Variants in MON1B observed in about 807,000 individuals in gnomAD.
MON1B encodes vacuolar fusion protein MON1 homolog B.
MON1B carries 26 observed loss-of-function variants against 45.1 expected under a neutral mutation model. The ratio of observed to expected loss-of-function variants is 0.58; its 90% CI spans 0.42 to 0.80. The LOEUF is 0.80. Ranked by LOEUF, MON1B falls within the 30% of genes least tolerant of loss-of-function variation. MON1B has a pLI of 0.00. For missense variants in MON1B, 737 were observed against 754.5 expected (o/e 0.98, Z 0.27); for synonymous variants, 395 against 320.2 (o/e 1.23, Z -2.49).
chr16:77,197,301 C>G (rs568604082), intron 5 of MON1B, among the ~76,000 whole-genome samples: 1 of 152,226 alleles, frequency 6.6e-6, no homozygotes, highest in African/African-American at 2.4e-5. Context: ...GAGGCTGAGG[C>G]AGGAGAATCG....
At position 77,194,875 on chromosome 16, in the gene MON1B, A is replaced by G. The variant is rs753662511; in HGVS notation, c.1016A>G (p.Tyr339Cys). The G allele has an allele frequency of 3.1e-6, 5 of 1,611,938 alleles. No individual in the cohort carries two copies. Among genetic ancestry groups the G allele is most frequent in the African/African-American group, 1.3e-5 (1 of 74,916 alleles). ...AACCCTGATGGTTTTTTCTACGCCT[A>G]CGTGGCCCGCCTGGATGCTATGCCT... ...RFNPDGFFYAYVARLDAMPVC... is the reference protein window; with the variant it reads ...RFNPDGFFYACVARLDAMPVC... The change falls in exon 4 of 6, where the codon TAC (tyrosine) becomes TGC (cysteine). Residue 339 changes from tyrosine to cysteine, a missense_variant. Tyr to Cys is a radical substitution (Grantham distance 194). Coordinates refer to ENST00000248248, the MANE Select transcript of MON1B (RefSeq NM_014940.4). The surrounding 1 kb of genome is among the most constrained non-coding windows in gnomAD (Gnocchi z 8.1).
chr16:77,193,907 A>C lies in MON1B; in HGVS notation c.475+130A>C, dbSNP rs1021369219. ...TCCATGTGTGTGGATGGTCAGCCAG[A>C]GCTCTGTCAGTGGCGGGAGGTGGGG... On this transcript the variant is annotated intron_variant, in intron 3 of 5. Coordinates refer to ENST00000248248, the MANE Select transcript of MON1B (RefSeq NM_014940.4). The surrounding 1 kb of genome is among the most constrained non-coding windows in gnomAD (Gnocchi z 5.0). 88 of 937,608 alleles carry C rather than the reference A, an allele frequency of 9.4e-5. No individual in the cohort carries two copies. Among genetic ancestry groups the C allele is most frequent in the Non-Finnish European group, 1.3e-4 (81 of 640,750 alleles). 58.1% of individuals were successfully genotyped at this position (937,608 alleles called of 1,614,324 possible).
At position 77,198,102 on chromosome 16, in the gene MON1B, C is replaced by A. The variant is rs368667278; in HGVS notation, c.1444-6C>A. The A allele has an allele frequency of 2.7e-4, 439 of 1,613,772 alleles. No individual in the cohort carries two copies. Among genetic ancestry groups the A allele is most frequent in the Non-Finnish European group, 3.5e-4 (414 of 1,179,932 alleles). On this transcript the variant is annotated splice_region_variant and splice_polypyrimidine_tract_variant and intron_variant, in intron 5 of 5. Transcript: ENST00000248248. ...CATCTGACTCTGTCTCCTCCGAAAC[C>A]CCCAGGTGACCTCCAAATTCGAGCT...
In MON1B at chr16:77,194,358, C is replaced by A. The variant is rs775514824; in HGVS notation, c.499C>A (p.Gln167Lys). 3.1e-6 allele frequency: 5 copies of A among 1,608,208 alleles called. No homozygotes were observed. In the South Asian group the frequency reaches 4.4e-5, roughly 14 times the overall value. Residue 167 changes from glutamine to lysine, a missense_variant, in exon 4 of 6, where the codon CAA (glutamine) becomes AAA (lysine). By Grantham distance (53) the Gln-to-Lys change is moderately conservative (BLOSUM62 1). Coordinates refer to ENST00000248248, the MANE Select transcript of MON1B (RefSeq NM_014940.4). This position sits in a 1 kb window ranked among gnomAD's most constrained non-coding sequence, Gnocchi z 8.1. The part of the protein sequence containing the change: ...YAEDHKLVFL[Q>K]QGPLLLVAMS... ...AGAGGACCACAAGCTGGTGTTCCTA[C>A]AACAGGGCCCACTGTTGCTCGTGGC...
At position 77,194,656 on chromosome 16, in the gene MON1B, G is replaced by A. The variant is rs776828713; in HGVS notation, c.797G>A (p.Arg266Gln). The change falls in exon 4 of 6, where the codon CGA becomes CAA. Residue 266 changes from arginine to glutamine, a missense_variant. Arg to Gln is a conservative substitution (Grantham distance 43, BLOSUM62 1). Coordinates refer to ENST00000248248, the MANE Select transcript of MON1B (RefSeq NM_014940.4). The surrounding 1 kb of genome is among the most constrained non-coding windows in gnomAD (Gnocchi z 8.1). ...CGAGACGCACTAGGTGCGCTCCTCCGACGTTGCACAGCGCCTGGCCTGGCG... is the reference window on the plus strand; with the variant it reads ...CGAGACGCACTAGGTGCGCTCCTCCAACGTTGCACAGCGCCTGGCCTGGCG... ...PLRDALGALL[R>Q]RCTAPGLALS... The A allele has an allele frequency of 6.8e-6, 11 of 1,613,726 alleles. No homozygotes were observed. The highest frequency in any genetic ancestry group is 2.2e-5 in the East Asian group (1 of 44,850).
At chr16:77,196,144 C>CT in intron 5 of MON1B, among the ~76,000 whole-genome samples, 1 of 152,280 alleles carries the variant, frequency 6.6e-6, no homozygotes, top group South Asian at 2.1e-4. Flanking sequence ...CTCCAGCCCT[C>CT]ACTTCCTATG....
Position 77,199,733 on chromosome 16 carries a change from G to T in MON1B, c.*1425G>T. ...CCGAGATTAACTTTTGTCAACTGTA[G>T]TGTATACGTTGTTGAAAGTAAACAA... On this transcript the variant is annotated 3_prime_UTR_variant, in exon 6 of 6. Coordinates refer to ENST00000248248, the MANE Select transcript of MON1B (RefSeq NM_014940.4). 2.1e-6 allele frequency: 1 copy of T among 486,790 alleles called. No homozygotes were observed. The highest frequency in any genetic ancestry group is 3.6e-6 in the Non-Finnish European group (1 of 275,788). The allele number at this position is 486,790 out of a possible 1,614,324, so 30.2% of individuals were successfully genotyped here. A position where few individuals can be genotyped will look rare whatever the true frequency, so the allele number is the denominator to read the frequency against.
At position 77,193,561 on chromosome 16, in the gene MON1B, T is replaced by C. The variant is rs2142497470; in HGVS notation, c.259T>C (p.Cys87Arg). 6.2e-7 allele frequency: 1 copy of C among 1,613,960 alleles called. No individual in the cohort carries two copies. The highest frequency in any genetic ancestry group is 2.2e-5 in the East Asian group (1 of 44,876). ...TGCAGCCCCTGAGAATAGTCCCACA[T>C]GTAGCCCTGAGAGTAGCTCTGGAGG... ...SPAAPENSPT[C>R]SPESSSGGQG... The change falls in exon 3 of 6, where the codon TGT becomes CGT. Residue 87 changes from cysteine (C) to arginine (R), a missense_variant. By Grantham distance (180) the Cys-to-Arg change is radical. Transcript: ENST00000248248. The surrounding 1 kb of genome is among the most constrained non-coding windows in gnomAD (Gnocchi z 5.0).
rs2232508 is a variant in MON1B, at chr16:77,195,247, C to A, written c.1295+93C>A. ...AGGGATGTGACTCAGGAGAGATAAC[C>A]AGCCATGCTTAAGAAAGAGGGAAGA... On this transcript the variant is annotated intron_variant, in intron 4 of 5. Transcript: ENST00000248248. 487 of 1,257,240 alleles carry A rather than the reference C, an allele frequency of 3.9e-4. 2 individuals carry two copies. The African/African-American group carries it at 6.6e-3, about 17-fold the overall frequency. 77.9% of individuals were successfully genotyped at this position (1,257,240 alleles called of 1,614,324 possible).
chr16:77,196,420 A>G (rs12929942), intron 5 of MON1B, among the ~76,000 whole-genome samples: 1 of 152,150 alleles, frequency 6.6e-6, no homozygotes, highest in Admixed American at 6.5e-5. Flanking sequence ...ACGCCTGGTC[A>G]GATGGTGGTT....
rs2054701702 is a variant in MON1B, at chr16:77,199,285, A to C, written c.*977A>C. The C allele has an allele frequency of 6.4e-6, 4 of 628,576 alleles. No homozygotes were observed. Among genetic ancestry groups the C allele is most frequent in the African/African-American group, 1.9e-5 (1 of 53,492 alleles). 38.9% of individuals were successfully genotyped at this position (628,576 alleles called of 1,614,324 possible). On this transcript the variant is annotated 3_prime_UTR_variant, in exon 6 of 6. Transcript: ENST00000248248. ...TCAAGGTTGTAGCATGTGTGCTGGC[A>C]ATCAGGGCCGCAGTGTGTTCTGCGC...
At position 77,194,665 on chromosome 16, in the gene MON1B, C is replaced by T. The variant is rs1344345618; in HGVS notation, c.806C>T (p.Thr269Ile). The T allele has an allele frequency of 3.1e-6, 5 of 1,613,914 alleles. No individual in the cohort carries two copies. Among genetic ancestry groups the T allele is most frequent in the Non-Finnish European group, 4.2e-6 (5 of 1,179,908 alleles). The part of the protein sequence containing the change: ...DALGALLRRC[T>I]APGLALSVLA... ...CTAGGTGCGCTCCTCCGACGTTGCA[C>T]AGCGCCTGGCCTGGCGCTGTCAGTG... is the stretch of plus-strand genomic sequence containing the variant. The change falls in exon 4 of 6, where the codon ACA becomes ATA. Residue 269 changes from threonine (T) to isoleucine (I), a missense_variant. Coordinates refer to ENST00000248248, the MANE Select transcript of MON1B (RefSeq NM_014940.4). This position sits in a 1 kb window ranked among gnomAD's most constrained non-coding sequence, Gnocchi z 8.1.
intron 2 of MON1B, 58 bp downstream of exon 2, chr16:77,191,691 C>A (rs1462241694): frequency 6.4e-5 from 100 of 1,554,154 alleles, no homozygotes; most frequent in Non-Finnish European, 8.0e-5. Flanking sequence ...CATTGTTGGA[C>A]GGGGGAAGGG....
chr16:77,194,043 G>C lies in MON1B; in HGVS notation c.475+266G>C. 2 of 600,988 alleles carry C rather than the reference G, an allele frequency of 3.3e-6. No individual in the cohort carries two copies. The highest frequency in any genetic ancestry group is 5.9e-6 in the Non-Finnish European group (2 of 338,794). 37.2% of individuals were successfully genotyped at this position (600,988 alleles called of 1,614,324 possible). ...GAGAGGATAACTGTGGGGGCTGTGT[G>C]GTTGAGCTGTGTCTTTCTGGCTCTG... On this transcript the variant is annotated intron_variant, in intron 3 of 5. Transcript: ENST00000248248. The surrounding 1 kb of genome is among the most constrained non-coding windows in gnomAD (Gnocchi z 8.1).
At chr16:77,197,644 G>C (rs1010958810) in intron 5 of MON1B, among the ~76,000 whole-genome samples, 1 of 152,086 alleles carries the variant, frequency 6.6e-6, no homozygotes, top group African/African-American at 2.4e-5. Context: ...GGGAGTGAAG[G>C]GGAGCGCTCT....
At chr16:77,196,845 A>G (rs1479715746) in intron 5 of MON1B, among the ~76,000 whole-genome samples, 1 of 152,112 alleles carries the variant, frequency 6.6e-6, no homozygotes, top group Non-Finnish European at 1.5e-5. Flanking sequence ...ATATTGTCTC[A>G]TGGATTTTTC....
intron 5 of MON1B, among the ~76,000 whole-genome samples, chr16:77,195,957 T>G (rs1010671876): frequency 7.2e-5 from 11 of 152,214 alleles, no homozygotes; most frequent in Non-Finnish European, 1.5e-5. Context: ...AGAGGCCCCA[T>G]TAACTACCAC....
In MON1B at chr16:77,194,349, G is replaced by A. The variant is rs963229594; in HGVS notation, c.490G>A (p.Val164Met). 2 of 1,606,362 alleles carry A rather than the reference G, an allele frequency of 1.2e-6. No individual in the cohort carries two copies. Among genetic ancestry groups the A allele is most frequent in the Non-Finnish European group, 8.5e-7 (1 of 1,179,904 alleles). Reference protein sequence around the residue: ...RAIYAEDHKLVFLQQGPLLLV... With the variant: ...RAIYAEDHKLMFLQQGPLLLV... ...TCCTTCCCTAGAGGACCACAAGCTGGTGTTCCTACAACAGGGCCCACTGTT... is the reference window on the plus strand; with the variant it reads ...TCCTTCCCTAGAGGACCACAAGCTGATGTTCCTACAACAGGGCCCACTGTT... The change falls in exon 4 of 6, where the codon GTG (valine) becomes ATG (methionine). Residue 164 changes from valine to methionine, a missense_variant. Transcript: ENST00000248248. This position sits in a 1 kb window ranked among gnomAD's most constrained non-coding sequence, Gnocchi z 8.1.
At position 77,193,178 on chromosome 16, in the gene MON1B, G is replaced by A. The variant is rs188551815; in HGVS notation, c.149-273G>A. On this transcript the variant is annotated intron_variant, in intron 2 of 5. Transcript: ENST00000248248. The surrounding 1 kb of genome is among the most constrained non-coding windows in gnomAD (Gnocchi z 5.0). ...ACAGTGATTGAAAGGGAAGTAATTG[G>A]TCTGTAGGAACATAGCAAGTCCAGT... Among the ~76,000 whole-genome samples, 33 of 152,238 alleles carry A rather than the reference G, an allele frequency of 2.2e-4. No homozygotes were observed. The highest frequency in any genetic ancestry group is 7.5e-4 in the African/African-American group (31 of 41,520).
Sources: allele counts gnomAD v4.1 joint callset (sites outside exome capture counted in the v4.1 genomes callset), GRCh38; gene constraint gnomAD v4.1.1; non-coding constraint Gnocchi (gnomAD v3.1); transcripts MANE v1.5; gene names NCBI Gene and HGNC (gene_info 2026-07-23, HGNC 2026-07-21).